PAX3: variants seen among roughly 807,000 people sequenced by gnomAD.
PAX3 encodes the protein paired box protein Pax-3.
A neutral mutation model predicts 51.6 loss-of-function variants in PAX3; 14 were observed. The observed-to-expected ratio is 0.27, with a 90% CI of 0.18 to 0.42. The LOEUF (loss-of-function observed/expected upper bound fraction) is 0.42. PAX3 is among the 10% of genes least tolerant of loss of function. The pLI is 1.00. For missense variants in PAX3, 540 were observed against 642.8 expected, an observed-to-expected ratio of 0.84 and a Z score of 1.73; for synonymous variants, 280 against 253.4, an observed-to-expected ratio of 1.11 and a Z score of -1.00.
chr2:222,262,831 T>C (rs866544822), intron 4 of PAX3: 3 of 152,198 alleles, frequency 2.0e-5, no homozygotes, highest in Non-Finnish European at 2.9e-5. Flanking sequence ...CACAAAAATA[T>C]GGACAGTCAA....
At chr2:222,257,336 C>A (rs1447738096) in intron 4 of PAX3, among the ~76,000 whole-genome samples, 1 of 152,004 alleles carries the variant, frequency 6.6e-6, no homozygotes, top group Admixed American at 6.6e-5. Flanking sequence ...ACTCATAGAG[C>A]CAAATATGAA....
At chr2:222,296,216 A>G (rs1392214797) in intron 2 of PAX3, among the ~76,000 whole-genome samples, 1 of 152,272 alleles carries the variant, frequency 6.6e-6, no homozygotes, top group Non-Finnish European at 1.5e-5. Context: ...AAAAAGAAGA[A>G]GAAGGTTCCA....
At chr2:222,231,993 G>A (rs1692614301) in intron 5 of PAX3, 85 bp downstream of exon 5, 11 of 1,263,944 alleles carry the variant, frequency 8.7e-6, no homozygotes, top group Non-Finnish European at 1.2e-5. Context: ...TTTTTGGGGG[G>A]GATTGACATA....
chr2:222,268,105 T>G (rs1280490768), intron 4 of PAX3, among the ~76,000 whole-genome samples: 1 of 152,242 alleles, frequency 6.6e-6, no homozygotes, highest in Non-Finnish European at 1.5e-5. Flanking sequence ...AAACCTGTTA[T>G]GCACAAATGC....
chr2:222,249,773 G>C (rs1693358086), intron 4 of PAX3, among the ~76,000 whole-genome samples: 1 of 152,146 alleles, frequency 6.6e-6, no homozygotes, highest in African/African-American at 2.4e-5. Context: ...CAGTCTTCAA[G>C]TGAAAGACAC....
At chr2:222,215,219 T>C (rs1485285071) in intron 7 of PAX3, among the ~76,000 whole-genome samples, 1 of 152,088 alleles carries the variant, frequency 6.6e-6, no homozygotes, top group Non-Finnish European at 1.5e-5. Context: ...CAAAACCATA[T>C]GGATCAAATT....
At chr2:222,203,111 A>G (rs1284386782) in intron 7 of PAX3, among the ~76,000 whole-genome samples, 1 of 140,648 alleles carries the variant, frequency 7.1e-6, no homozygotes, top group East Asian at 2.2e-4. Flanking sequence ...TAAAAAGTTC[A>G]GTTTGTAAAT....
Position 222,240,743 on chromosome 2 carries a change from C to T in PAX3, c.587-8460G>A, listed in dbSNP as rs910260569. ...ATTGGCTTGAGAACCCTAACACTGA[C>T]CCAAATTAGCCCAGTGGCTTCTTAT... On this transcript the variant is annotated intron_variant, in intron 4 of 8. Transcript: ENST00000392070. 3.9e-5 allele frequency among the ~76,000 whole-genome samples: 6 copies of T among 152,170 alleles called. No individual in the cohort carries two copies. In the East Asian group the frequency reaches 1.2e-3, roughly 29 times the overall value.
At chr2:222,253,671 C>G (rs6436306) in intron 4 of PAX3, among the ~76,000 whole-genome samples, 31,683 of 151,112 alleles carry the variant, frequency 0.21, 3,806 homozygotes, top group East Asian at 0.38. Context: ...CTTTTAGAGA[C>G]AGAAGAAAAG....
chr2:222,212,625 AC>A (rs1691786554), intron 7 of PAX3, among the ~76,000 whole-genome samples: 1 of 73,764 alleles, frequency 1.4e-5, no homozygotes, highest in Non-Finnish European at 3.0e-5. Context: ...AAAAACAAAC[AC>A]ACACACACAC....
chr2:222,276,324 C>T (rs1694420071), intron 4 of PAX3, among the ~76,000 whole-genome samples: 1 of 152,230 alleles, frequency 6.6e-6, no homozygotes, highest in Admixed American at 6.5e-5. Flanking sequence ...TGTGATACTG[C>T]ACAGAAATGC....
At chr2:222,290,924 AG>A (rs949901332) in intron 4 of PAX3, among the ~76,000 whole-genome samples, 1 of 149,944 alleles carries the variant, frequency 6.7e-6, no homozygotes, top group African/African-American at 2.5e-5. Context: ...CAGGCAAGGG[AG>A]GAAAAAAAAA....
At chr2:222,273,731 T>G (rs932568836) in intron 4 of PAX3, among the ~76,000 whole-genome samples, 2 of 152,254 alleles carry the variant, frequency 1.3e-5, no homozygotes, top group Admixed American at 1.3e-4. Context: ...GTTATTTAGT[T>G]GCAGCATTTT....
chr2:222,220,789 C>T (rs949056319), intron 6 of PAX3, among the ~76,000 whole-genome samples: 1 of 152,148 alleles, frequency 6.6e-6, no homozygotes, highest in Admixed American at 6.5e-5. Context: ...CCAAAATAAT[C>T]GGATCTTACA....
intron 5 of PAX3, among the ~76,000 whole-genome samples, chr2:222,222,505 G>A (rs1692234468): frequency 6.6e-6 from 1 of 151,706 alleles, no homozygotes; most frequent in Non-Finnish European, 1.5e-5. Context: ...CCAGGTTCAA[G>A]GGATTCTCTT....
At chr2:222,248,150 T>C (rs1027632992) in intron 4 of PAX3, among the ~76,000 whole-genome samples, 2 of 152,194 alleles carry the variant, frequency 1.3e-5, no homozygotes, top group Non-Finnish European at 2.9e-5. Flanking sequence ...TAAGAAATAA[T>C]AATAAATTCC....
chr2:222,256,926 A>G (rs145786423), intron 4 of PAX3, among the ~76,000 whole-genome samples: 3 of 152,346 alleles, frequency 2.0e-5, no homozygotes, highest in African/African-American at 7.2e-5. Context: ...TATCATTGAA[A>G]TGGACCCTGT....
intron 4 of PAX3, among the ~76,000 whole-genome samples, chr2:222,268,425 A>G (rs2106155561): frequency 6.6e-6 from 1 of 152,310 alleles, no homozygotes; most frequent in South Asian, 2.1e-4. Flanking sequence ...ATAGAAAGCA[A>G]TCAAATATCC....
At chr2:222,226,534 A>C (rs141982631) in intron 5 of PAX3, among the ~76,000 whole-genome samples, 28 of 152,196 alleles carry the variant, frequency 1.8e-4, no homozygotes, top group African/African-American at 6.3e-4. Context: ...CTTCAGGATG[A>C]ACATATGTTT....
Sources: gnomAD v4.1 joint callset for allele counts (sites outside exome capture counted in the v4.1 genomes callset) on GRCh38, gnomAD v4.1.1 for gene constraint, MANE v1.5 for transcripts, NCBI Gene and HGNC (gene_info 2026-07-23, HGNC 2026-07-21) for gene names.